PDK1: variants seen among roughly 807,000 people sequenced by gnomAD.
The protein encoded by PDK1 is pyruvate dehydrogenase kinase 1, also known as [Pyruvate dehydrogenase (acetyl-transferring)] kinase isozyme 1, mitochondrial.
In PDK1, 39 loss-of-function variants were observed where a neutral mutation model predicts 54.2. That is an observed-to-expected ratio of 0.72 (90% confidence interval 0.56 to 0.94). The LOEUF (loss-of-function observed/expected upper bound fraction) is 0.94, where lower values mean the gene tolerates loss of function less well. Ranked by LOEUF, PDK1 falls within the 40% of genes least tolerant of loss-of-function variation. The pLI, the probability that PDK1 is intolerant of heterozygous loss-of-function variation, is 0.00. For missense variants in PDK1, 552 were observed against 566.0 expected (o/e 0.98, Z 0.25); for synonymous variants, 221 against 207.1 (o/e 1.07, Z -0.58).
chr2:172,712,195 T>G, the PDK1 span, among the ~76,000 whole-genome samples: 3 of 152,206 alleles, frequency 2.0e-5, no homozygotes, highest in Non-Finnish European at 4.4e-5. Context: ...GTAACAAATA[T>G]AAAAAGAACA....
chr2:172,691,755 C>A, the PDK1 span, among the ~76,000 whole-genome samples: 1 of 152,204 alleles, frequency 6.6e-6, no homozygotes, highest in Non-Finnish European at 1.5e-5. Flanking sequence ...GCTCATTTCT[C>A]TTTAGCACTG....
rs1383815930 is a variant in PDK1 at position 172,607,497 on chromosome 2, G to T, written c.*11528G>T. The stretch of plus-strand genomic sequence containing the variant: ...CAGGGCCTGACTCAAACCAAAATAA[G>T]ACTTGCTGTTACCCTGAGACAAGCC... On this transcript the variant is annotated 3_prime_UTR_variant, in exon 11 of 11. Transcript: ENST00000282077. The T allele has an allele frequency of 6.6e-6, 1 of 152,176 alleles. No homozygotes were observed. The highest frequency in any genetic ancestry group is 1.5e-5 in the Non-Finnish European group (1 of 68,032). The allele number at this position is 152,176 out of a possible 1,614,324, so 9.4% of individuals were successfully genotyped here.
downstream of PDK1, among the ~76,000 whole-genome samples, chr2:172,610,021 C>T (rs964056026): frequency 6.6e-6 from 1 of 152,094 alleles, no homozygotes; most frequent in African/African-American, 2.4e-5. Context: ...AGGGTTTCAC[C>T]ATGTTGGTCT....
the PDK1 span, among the ~76,000 whole-genome samples, chr2:172,690,701 G>C: frequency 6.7e-6 from 1 of 150,144 alleles, no homozygotes; most frequent in African/African-American, 2.4e-5. Context: ...GTCCTTTGCA[G>C]GGACATGGAT....
chr2:172,672,429 C>T, the PDK1 span, among the ~76,000 whole-genome samples: 3 of 152,268 alleles, frequency 2.0e-5, no homozygotes, highest in East Asian at 5.8e-4. Flanking sequence ...ATGTTAAGCA[C>T]ATTCCCATAA....
At chr2:172,622,457 G>GAT in the PDK1 span, among the ~76,000 whole-genome samples, 1 of 127,102 alleles carries the variant, frequency 7.9e-6, no homozygotes, top group African/African-American at 3.0e-5. Flanking sequence ...TATTATGTGA[G>GAT]ATGTTTATAT....
intron 5 of PDK1, among the ~76,000 whole-genome samples, 167 bp from the exon 6 acceptor site, chr2:172,566,689 C>T (rs982415708): frequency 3.0e-5 from 4 of 135,506 alleles, no homozygotes; most frequent in African/African-American, 1.1e-4. Context: ...GACCATGTCT[C>T]TACCAAAAAA....
chr2:172,688,778 G>C, the PDK1 span, among the ~76,000 whole-genome samples: 1 of 86,090 alleles, frequency 1.2e-5, no homozygotes, highest in Non-Finnish European at 2.3e-5. Flanking sequence ...CCCAGAGTAA[G>C]CTTGACCTCA....
chr2:172,580,646 T>A (rs1419888677), intron 8 of PDK1, among the ~76,000 whole-genome samples: 1 of 152,188 alleles, frequency 6.6e-6, no homozygotes, highest in African/African-American at 2.4e-5. Flanking sequence ...GGCAAAACCT[T>A]ACACACAAAT....
At position 172,598,142 on chromosome 2, in the gene PDK1, T is replaced by G. The variant is rs1690985075; in HGVS notation, c.*2173T>G. 1 of 152,238 alleles carries G rather than the reference T, an allele frequency of 6.6e-6. No individual in the cohort carries two copies. Among genetic ancestry groups the G allele is most frequent in the African/African-American group, 2.4e-5 (1 of 41,470 alleles). 9.4% of individuals were successfully genotyped at this position (152,238 alleles called of 1,614,324 possible). A position where few individuals can be genotyped will look rare whatever the true frequency, so the allele number is the denominator to read the frequency against. ...GTATTACAATTTTTTAGCTTTAAATTACAGTTTTCTTATAATGTTGAAATG... is the reference window on the plus strand; with the variant it reads ...GTATTACAATTTTTTAGCTTTAAATGACAGTTTTCTTATAATGTTGAAATG... On this transcript the variant is annotated 3_prime_UTR_variant, in exon 11 of 11. Coordinates refer to ENST00000282077, the MANE Select transcript of PDK1 (RefSeq NM_002610.5).
the PDK1 span, among the ~76,000 whole-genome samples, chr2:172,642,818 C>CT: frequency 2.6e-5 from 4 of 151,304 alleles, no homozygotes; most frequent in Admixed American, 6.6e-5. Context: ...CCTTCTTCTT[C>CT]TCTTTCTCCT....
the PDK1 span, among the ~76,000 whole-genome samples, chr2:172,666,898 A>T: frequency 6.6e-6 from 1 of 152,252 alleles, no homozygotes; most frequent in Admixed American, 6.5e-5. Context: ...TTTACTGGCT[A>T]AAACCTTTGA....
chr2:172,703,734 T>G, the PDK1 span, among the ~76,000 whole-genome samples: 22 of 151,336 alleles, frequency 1.5e-4, no homozygotes, highest in African/African-American at 5.1e-4. Context: ...TCACTCTTTC[T>G]TTTTCCTTTT....
At chr2:172,558,482 G>T (rs1457902111) in intron 1 of PDK1, among the ~76,000 whole-genome samples, 1 of 152,170 alleles carries the variant, frequency 6.6e-6, no homozygotes, top group East Asian at 1.9e-4. Flanking sequence ...GCTGTACAGA[G>T]CCATTGGAAT....
chr2:172,659,035 CT>C, the PDK1 span, among the ~76,000 whole-genome samples: 5 of 152,120 alleles, frequency 3.3e-5, no homozygotes, highest in Non-Finnish European at 7.3e-5. Flanking sequence ...TGCATGTGAT[CT>C]CTGTGACCTA....
chr2:172,587,586 C>A (rs1016953262), intron 9 of PDK1, among the ~76,000 whole-genome samples: 1 of 152,072 alleles, frequency 6.6e-6, no homozygotes, highest in Non-Finnish European at 1.5e-5. Flanking sequence ...TGAGCAGCAG[C>A]AAGATTTATT....
chr2:172,688,812 A>C, the PDK1 span, among the ~76,000 whole-genome samples: 1 of 152,158 alleles, frequency 6.6e-6, no homozygotes, highest in Admixed American at 6.5e-5. Context: ...TGAATCCCAC[A>C]TGGCAGCCAG....
chr2:172,649,481 T>C, the PDK1 span, among the ~76,000 whole-genome samples: 1 of 152,260 alleles, frequency 6.6e-6, no homozygotes, highest in East Asian at 1.9e-4. Context: ...GGGTGGAGAA[T>C]GACTTTGACG....
chr2:172,654,699 T>A, the PDK1 span, among the ~76,000 whole-genome samples: 1 of 152,160 alleles, frequency 6.6e-6, no homozygotes, highest in Non-Finnish European at 1.5e-5. Context: ...ACATGGCACA[T>A]GTATACATAT....
Sources: gnomAD v4.1 joint callset for allele counts (sites outside exome capture counted in the v4.1 genomes callset) on GRCh38, gnomAD v4.1.1 for gene constraint, MANE v1.5 for transcripts, NCBI Gene and HGNC (gene_info 2026-07-23, HGNC 2026-07-21) for gene names.